TNRC6A: variants seen among roughly 807,000 people sequenced by gnomAD.
TNRC6A encodes trinucleotide repeat-containing gene 6A protein.
TNRC6A carries 44 observed loss-of-function variants against 221.2 expected under a neutral mutation model. The ratio of observed to expected loss-of-function variants is 0.20; its 90% CI spans 0.16 to 0.26. The LOEUF (loss-of-function observed/expected upper bound fraction) is 0.26, where lower values mean the gene tolerates loss of function less well. TNRC6A is among the 10% of genes least tolerant of loss of function. The probability of loss-of-function intolerance (pLI) is 1.00; values close to 1 mark genes in which losing one functional copy is unlikely to be tolerated. For missense variants in TNRC6A, 2,199 were observed against 2,404.4 expected (o/e 0.91, Z 1.79); for synonymous variants, 847 against 838.5 (o/e 1.01, Z -0.18).
At position 24,823,702 on chromosome 16, in the gene TNRC6A, G is replaced by T. The variant is rs1017498827; in HGVS notation, c.5784G>T (p.Leu1928=). 6 of 1,586,158 alleles carry T rather than the reference G, an allele frequency of 3.8e-6. No homozygotes were observed. Among genetic ancestry groups the T allele is most frequent in the Middle Eastern group, 1.7e-4 (1 of 5,932 alleles). ...GGACCCCGCATTATTCCACAAGCCT[G>T]TGGGGTCCCCCAAGCAGCAGCGACC... ...LWGTPHYSTS[L]WGPPSSSDPR... is the part of the protein sequence containing the mutation. Residue 1928 remains leucine, a synonymous_variant, in exon 25 of 25, where the codon CTG becomes CTT. Transcript: ENST00000395799. The surrounding 1 kb of genome is among the most constrained non-coding windows in gnomAD (Gnocchi z 4.3).
rs202159827 is a variant in TNRC6A at position 24,789,312 on chromosome 16, A to G, written c.670A>G (p.Asn224Asp). ...GTCTTCTACAAGTGATTCTAGCACA[A>G]ACTGTAAGAATGCTGTTGTAAGTGA... Reference protein sequence around the residue: ...PVSSTSDSSTNCKNAVVSDLS... With the variant: ...PVSSTSDSSTDCKNAVVSDLS... Residue 224 changes from asparagine to aspartate, a missense_variant, in exon 6 of 25, where the codon AAC (asparagine) becomes GAC (aspartate). By Grantham distance (23) the Asn-to-Asp change is conservative. Around this residue, in one of 8 missense-constraint regions of TNRC6A, gnomAD observed 1,405 missense variants for 1,400.2 expected, o/e 1.00. Coordinates refer to ENST00000395799, the MANE Select transcript of TNRC6A (RefSeq NM_014494.4). 287 of 1,614,074 alleles carry G rather than the reference A, an allele frequency of 1.8e-4. No homozygotes were observed. Among genetic ancestry groups the G allele is most frequent in the Non-Finnish European group, 2.1e-4 (249 of 1,180,032 alleles).
At chr16:24,813,947 C>T (rs1596812190) in intron 18 of TNRC6A, among the ~76,000 whole-genome samples, 1 of 152,206 alleles carries the variant, frequency 6.6e-6, no homozygotes, top group East Asian at 1.9e-4. Context: ...ATGCTTTCCT[C>T]ATGTATCCTG....
chr16:24,633,369 A>G (rs1397520995), intron 1 of TNRC6A, among the ~76,000 whole-genome samples: 2 of 152,138 alleles, frequency 1.3e-5, no homozygotes, highest in Non-Finnish European at 2.9e-5. Context: ...TTCAAAAATT[A>G]TACTCATGGT....
intron 1 of TNRC6A, among the ~76,000 whole-genome samples, chr16:24,619,728 C>T (rs1038543233): frequency 9.9e-5 from 15 of 152,068 alleles, no homozygotes; most frequent in Admixed American, 3.3e-4. Context: ...GTCCCTGACA[C>T]GGGGAACAAG....
intron 2 of TNRC6A, among the ~76,000 whole-genome samples, chr16:24,686,733 C>G (rs1471146654): frequency 6.6e-6 from 1 of 152,056 alleles, no homozygotes; most frequent in African/African-American, 2.4e-5. Context: ...ACAATAGGAT[C>G]GGTGCCGCGA....
intron 14 of TNRC6A, 179 bp from the exon 15 acceptor site, chr16:24,805,426 T>TA: frequency 1.0e-6 from 1 of 977,570 alleles, no homozygotes; most frequent in Non-Finnish European, 1.5e-6. Flanking sequence ...TGTCATCTTT[T>TA]ACTTAACCCA....
intron 2 of TNRC6A, among the ~76,000 whole-genome samples, chr16:24,690,009 AAAAAAAAAAAAAAAAAAAT>A (rs1312087877): frequency 1.4e-4 from 8 of 56,376 alleles, no homozygotes; most frequent in African/African-American, 6.0e-4. Context: ...AAAAAAAAAA[AAAAAAAAAAAAAAAAAAAT>A]TTTTTTTTTT....
At chr16:24,740,869 T>C (rs1472277376) in intron 2 of TNRC6A, among the ~76,000 whole-genome samples, 1 of 152,198 alleles carries the variant, frequency 6.6e-6, no homozygotes. Context: ...TTATTCTAGA[T>C]ACCTCATTAG....
Position 24,776,935 on chromosome 16 carries a change from C to T in TNRC6A, c.166C>T (p.Pro56Ser). The change falls in exon 5 of 25, where the codon CCA (proline) becomes TCA (serine). Residue 56 changes from proline (P) to serine (S), a missense_variant and splice_region_variant. Pro to Ser is a moderately conservative substitution (Grantham distance 74). Transcript: ENST00000395799. ...KKATEQKIKV[P>S]EQIKPSVSQP... is the part of the protein sequence containing the mutation. The stretch of plus-strand genomic sequence containing the variant: ...CCCTTTTCTTTTGTTGGGATTAGTG[C>T]CAGAACAGATAAAGCCCAGTGTAAG... 1 of 1,611,646 alleles carries T rather than the reference C, an allele frequency of 6.2e-7. No individual in the cohort carries two copies. Among genetic ancestry groups the T allele is most frequent in the Non-Finnish European group, 8.5e-7 (1 of 1,178,148 alleles).
intron 21 of TNRC6A, chr16:24,819,734 CTT>C (rs2058731213): frequency 4.7e-6 from 1 of 211,420 alleles, no homozygotes; most frequent in Non-Finnish European, 9.5e-6. Flanking sequence ...AGTTGGGGCT[CTT>C]TTGCAGTCCT....
In TNRC6A at chr16:24,822,023, A is replaced by G. The variant is rs1426614265; in HGVS notation, c.5303-54A>G. ...GCCAGGTGATCTGCTAAGTAACTGT[A>G]GTTGGGCTCTTTCAGTCCTGGAAAA... On this transcript the variant is annotated intron_variant, in intron 22 of 24. Coordinates refer to ENST00000395799, the MANE Select transcript of TNRC6A (RefSeq NM_014494.4). 15 of 1,537,134 alleles carry G rather than the reference A, an allele frequency of 9.8e-6. No homozygotes were observed. In the Admixed American group the frequency reaches 2.2e-4, roughly 22 times the overall value.
intron 2 of TNRC6A, 117 bp downstream of exon 2, chr16:24,730,417 A>G: frequency 3.2e-6 from 4 of 1,257,822 alleles, no homozygotes; most frequent in Non-Finnish European, 4.4e-6. Flanking sequence ...CCCGGAGAGC[A>G]GACATTCGGG....
intron 4 of TNRC6A, among the ~76,000 whole-genome samples, chr16:24,765,764 T>A (rs1567441670): frequency 2.6e-5 from 4 of 152,220 alleles, no homozygotes; most frequent in African/African-American, 9.6e-5. Flanking sequence ...GGGAAATAGT[T>A]AATAAAATGA....
chr16:24,804,480 A>G (rs915601190), intron 12 of TNRC6A, 161 bp downstream of exon 12: 22 of 1,105,394 alleles, frequency 2.0e-5, no homozygotes, highest in African/African-American at 3.2e-5. Context: ...TTATGTCTCA[A>G]TTTATCATAG....
At position 24,734,049 on chromosome 16, in the gene TNRC6A, C is replaced by T. The variant is rs140102312; in HGVS notation, c.53+3749C>T. Among the ~76,000 whole-genome samples the T allele has an allele frequency of 1.4e-3, 219 of 152,228 alleles. 1 individual carries two copies. Among genetic ancestry groups the T allele is most frequent in the Non-Finnish European group, 2.3e-3 (154 of 68,028 alleles). ...AATTAGCTGGGTGTGGTGGTGTGCACCTGTAGTCCCAGCTACTTGGGAGGC... is the reference window on the plus strand; with the variant it reads ...AATTAGCTGGGTGTGGTGGTGTGCATCTGTAGTCCCAGCTACTTGGGAGGC... On this transcript the variant is annotated intron_variant, in intron 2 of 24. Transcript: ENST00000395799.
At chr16:24,705,333 ATT>A (rs113333291) in intron 2 of TNRC6A, among the ~76,000 whole-genome samples, 34 of 143,346 alleles carry the variant, frequency 2.4e-4, no homozygotes, top group African/African-American at 6.1e-4. Context: ...TATTAGATGA[ATT>A]TTTTTTTTTT....
chr16:24,650,384 G>C (rs1596595365), intron 2 of TNRC6A, among the ~76,000 whole-genome samples: 1 of 152,158 alleles, frequency 6.6e-6, no homozygotes, highest in Non-Finnish European at 1.5e-5. Flanking sequence ...AAAGGGTTTG[G>C]CCAGGTGCAG....
In TNRC6A at chr16:24,823,684, G is replaced by C; in HGVS notation, c.5766G>C (p.Pro1922=). Residue 1922 remains proline, a synonymous_variant, in exon 25 of 25, where the codon CCG becomes CCC. Transcript: ENST00000395799. This position sits in a 1 kb window ranked among gnomAD's most constrained non-coding sequence, Gnocchi z 4.3. ...ACGGCACTTCACTCTGGGGGACCCC[G>C]CATTATTCCACAAGCCTGTGGGGTC... is the stretch of plus-strand genomic sequence containing the variant. ...DLHGTSLWGT[P]HYSTSLWGPP... 1 of 1,608,140 alleles carries C rather than the reference G, an allele frequency of 6.2e-7. No homozygotes were observed. The highest frequency in any genetic ancestry group is 8.5e-7 in the Non-Finnish European group (1 of 1,176,260).
chr16:24,618,072 GT>G (rs1048045060), intron 1 of TNRC6A, among the ~76,000 whole-genome samples: 1 of 151,560 alleles, frequency 6.6e-6, no homozygotes, highest in Non-Finnish European at 1.5e-5. Flanking sequence ...TAATTTTTGT[GT>G]TTTTTTATTT....
Sources: gnomAD v4.1 joint callset for allele counts (sites outside exome capture counted in the v4.1 genomes callset) on GRCh38, gnomAD v4.1.1 for gene constraint, gnomAD v4.1.1 regional missense constraint, Gnocchi (gnomAD v3.1) non-coding constraint, MANE v1.5 for transcripts, NCBI Gene and HGNC (gene_info 2026-07-23, HGNC 2026-07-21) for gene names.